The following PCLO variants were observed in gnomAD, a reference collection of about 807,000 sequenced individuals.
The protein encoded by PCLO is piccolo presynaptic cytomatrix protein.
A neutral mutation model predicts 427.5 loss-of-function variants in PCLO; 82 were observed. The observed-to-expected ratio is 0.19, with a 90% confidence interval of 0.16 to 0.23. The LOEUF is 0.23. PCLO is among the 10% of genes least tolerant of loss of function. PCLO has a pLI of 1.00. For synonymous variants in PCLO, 2,357 were observed against 2,155.4 expected, an observed-to-expected ratio of 1.09 and a Z score of -2.59; for missense variants, 6,239 against 6,115.9, an observed-to-expected ratio of 1.02 and a Z score of -0.67.
chr7:82,850,586 T>C (rs1316412305), intron 10 of PCLO, among the ~76,000 whole-genome samples: 1 of 152,170 alleles, frequency 6.6e-6, no homozygotes, highest in Non-Finnish European at 1.5e-5. Flanking sequence ...TGATCTATAT[T>C]TAATATTTAC....
At chr7:82,957,534 G>A (rs1795554637) in intron 4 of PCLO, among the ~76,000 whole-genome samples, 1 of 152,164 alleles carries the variant, frequency 6.6e-6, no homozygotes, top group Non-Finnish European at 1.5e-5. Flanking sequence ...CATTTTGAAA[G>A]TTATGAAACA....
chr7:82,950,908 T>C lies in PCLO; in HGVS notation c.9680A>G (p.Lys3227Arg), dbSNP rs766636836. The change falls in exon 6 of 25, where the codon AAG (lysine) becomes AGG (arginine). Residue 3227 changes from lysine (K) to arginine (R), a missense_variant. Around this residue, in one of 5 missense-constraint regions of PCLO, gnomAD observed 4,677 missense variants for 4,468.4 expected, o/e 1.05. Transcript: ENST00000333891. Reference sequence around the variant, plus strand: ...CAATTCCTCAGCAAAGCGCTGTTGCTTAATTTTCTCCAGTTCCAGGAGCTC... The same window carrying C: ...CAATTCCTCAGCAAAGCGCTGTTGCCTAATTTTCTCCAGTTCCAGGAGCTC... ...ERELLELEKIKQQRFAEELEW... is the reference protein window; with the variant it reads ...ERELLELEKIRQQRFAEELEW... The C allele has an allele frequency of 8.1e-6, 13 of 1,613,372 alleles. No homozygotes were observed. Among genetic ancestry groups the C allele is most frequent in the Non-Finnish European group, 1.1e-5 (13 of 1,179,872 alleles).
intron 10 of PCLO, among the ~76,000 whole-genome samples, chr7:82,854,814 C>A (rs1219803621): frequency 6.6e-6 from 1 of 152,200 alleles, no homozygotes; most frequent in Non-Finnish European, 1.5e-5. Context: ...AATTTACTTT[C>A]CATGTACTTT....
At chr7:82,766,354 G>C (rs1562776014) in intron 22 of PCLO, among the ~76,000 whole-genome samples, 2 of 151,918 alleles carry the variant, frequency 1.3e-5, no homozygotes, top group African/African-American at 4.8e-5. Context: ...TTGGTTGAGT[G>C]AACACTGACA....
At chr7:83,133,092 C>G (rs947285673) in intron 3 of PCLO, among the ~76,000 whole-genome samples, 6 of 151,914 alleles carry the variant, frequency 3.9e-5, no homozygotes, top group African/African-American at 1.4e-4. Context: ...ACAACATTTT[C>G]ATACAGTGTT....
chr7:83,002,068 C>T (rs1787837446), intron 3 of PCLO, among the ~76,000 whole-genome samples: 1 of 151,780 alleles, frequency 6.6e-6, no homozygotes, highest in Non-Finnish European at 1.5e-5. Context: ...TACTTAGTTC[C>T]TCCAGGTTCT....
intron 9 of PCLO, among the ~76,000 whole-genome samples, chr7:82,894,642 C>T (rs770165863): frequency 6.6e-6 from 1 of 152,070 alleles, no homozygotes; most frequent in Non-Finnish European, 1.5e-5. Flanking sequence ...GGTAGGGACA[C>T]AGCCAAACCA....
intron 3 of PCLO, among the ~76,000 whole-genome samples, chr7:83,009,475 G>A (rs368416951): frequency 6.6e-6 from 1 of 151,798 alleles, no homozygotes; most frequent in African/African-American, 2.4e-5. Flanking sequence ...ATAAATGGTT[G>A]AAGTATAATG....
intron 22 of PCLO, among the ~76,000 whole-genome samples, chr7:82,768,071 G>A (rs1277286650): frequency 6.6e-6 from 1 of 152,052 alleles, no homozygotes; most frequent in African/African-American, 2.4e-5. Flanking sequence ...GAAAGTGGAA[G>A]AGAACTAATT....
chr7:82,877,052 G>C (rs1025970588), intron 10 of PCLO, among the ~76,000 whole-genome samples: 2 of 151,974 alleles, frequency 1.3e-5, no homozygotes, highest in South Asian at 2.1e-4. Flanking sequence ...AAATAAGAAG[G>C]ATTTAGTAGC....
At chr7:83,125,233 A>C (rs1380827365) in intron 3 of PCLO, among the ~76,000 whole-genome samples, 1 of 150,310 alleles carries the variant, frequency 6.7e-6, no homozygotes, top group Admixed American at 6.6e-5. Context: ...GGATGTGAGG[A>C]GTGCCTCTGC....
chr7:82,839,827 C>T lies in PCLO; in HGVS notation c.14098-1485G>A, dbSNP rs149218805. Among the ~76,000 whole-genome samples, 37 of 152,122 alleles carry T rather than the reference C, an allele frequency of 2.4e-4. No homozygotes were observed. In the East Asian group the frequency reaches 7.0e-3, roughly 29 times the overall value. Reference sequence around the variant, plus strand: ...ATGCCCCAGCAATCTTCAATCACAGCGACTCCAGTGCTGATAGATTCATGG... The same window carrying T: ...ATGCCCCAGCAATCTTCAATCACAGTGACTCCAGTGCTGATAGATTCATGG... On this transcript the variant is annotated intron_variant, in intron 14 of 24. Coordinates refer to ENST00000333891, the MANE Select transcript of PCLO (RefSeq NM_033026.6).
intron 20 of PCLO, among the ~76,000 whole-genome samples, chr7:82,807,964 TA>T (rs1445413359): frequency 2.0e-5 from 3 of 151,802 alleles, no homozygotes; most frequent in East Asian, 1.9e-4. Context: ...TAGTTAGTGT[TA>T]AAAAAAACTT....
Position 82,953,162 on chromosome 7 carries a change from A to G in PCLO, c.7791T>C (p.Ala2597=), listed in dbSNP as rs749966279. ...AGGGCCAACTGGTAATTGCTTGACT[A>G]GCAGAAGAATCTGTTGGAGTCCCTG... ...SEPGTPTDSS[A]SQAITSWPLG... is the part of the protein sequence containing the mutation. Residue 2597 remains alanine (A), a synonymous_variant, in exon 5 of 25, where the codon GCT becomes GCC. Transcript: ENST00000333891. 5 of 1,614,020 alleles carry G rather than the reference A, an allele frequency of 3.1e-6. No individual in the cohort carries two copies. The Admixed American group carries it at 8.3e-5, about 27-fold the overall frequency.
rs575437743 is a variant in PCLO, at chr7:83,090,171, G to A, written c.3300+44079C>T. ...ACAAAAATTAGCTGGGCGTGGTGGTGCACGCCTGTAGTCCCAGCTACTAGG... is the reference window on the plus strand; with the variant it reads ...ACAAAAATTAGCTGGGCGTGGTGGTACACGCCTGTAGTCCCAGCTACTAGG... On this transcript the variant is annotated intron_variant, in intron 3 of 24. Transcript: ENST00000333891. Among the ~76,000 whole-genome samples, 7 of 152,130 alleles carry A rather than the reference G, an allele frequency of 4.6e-5. 1 individual carries two copies. The South Asian group carries it at 1.0e-3, about 23-fold the overall frequency.
intron 10 of PCLO, 98 bp downstream of exon 10, chr7:82,879,239 C>T (rs1017333755): frequency 2.8e-6 from 3 of 1,053,792 alleles, no homozygotes; most frequent in African/African-American, 3.3e-5. Context: ...GAGAGGTTTA[C>T]CTACACAGAG....
chr7:83,071,758 T>C (rs1789822110), intron 3 of PCLO, among the ~76,000 whole-genome samples: 1 of 152,180 alleles, frequency 6.6e-6, no homozygotes, highest in Admixed American at 6.5e-5. Flanking sequence ...TTTCTCCTTT[T>C]GAATGAACTT....
Position 82,999,478 on chromosome 7 carries a change from A to T in PCLO, c.3301-32991T>A, listed in dbSNP as rs1200796302. The stretch of plus-strand genomic sequence containing the variant: ...ATAAAATATATAATATATATCCATT[A>T]TTATAAAATATAATATATATAATAT... On this transcript the variant is annotated intron_variant, in intron 3 of 24. Transcript: ENST00000333891. 5.2e-5 allele frequency among the ~76,000 whole-genome samples: 3 copies of T among 57,506 alleles called. 1 individual carries two copies. The highest frequency in any genetic ancestry group is 7.7e-5 in the Non-Finnish European group (3 of 38,782). 37.7% of individuals were successfully genotyped at this position (57,506 alleles called of 152,430 possible).
intron 3 of PCLO, among the ~76,000 whole-genome samples, chr7:83,092,055 G>C (rs1790390970): frequency 6.6e-6 from 1 of 151,984 alleles, no homozygotes; most frequent in African/African-American, 2.4e-5. Context: ...TTTACATTTT[G>C]AATGAGAGAG....
Sources: gnomAD v4.1 joint callset for allele counts (sites outside exome capture counted in the v4.1 genomes callset) on GRCh38, gnomAD v4.1.1 for gene constraint, gnomAD v4.1.1 regional missense constraint, MANE v1.5 for transcripts, NCBI Gene and HGNC (gene_info 2026-07-23, HGNC 2026-07-21) for gene names.